The following TENM1 variants were observed in gnomAD, a reference collection of about 807,000 sequenced individuals.
The protein encoded by TENM1 is teneurin transmembrane protein 1.
In TENM1, 35 loss-of-function variants were observed where a neutral mutation model predicts 174.8. The observed-to-expected ratio is 0.20, with a 90% CI of 0.15 to 0.27. The LOEUF (loss-of-function observed/expected upper bound fraction) is 0.27, where lower values mean the gene tolerates loss of function less well. Ranked by LOEUF, TENM1 falls within the 10% of genes least tolerant of loss-of-function variation. The pLI is 1.00. For missense variants in TENM1, 1,633 were observed against 2,130.1 expected, an observed-to-expected ratio of 0.77 and a Z score of 4.59; for synonymous variants, 781 against 798.7, an observed-to-expected ratio of 0.98 and a Z score of 0.37.
intron 11 of TENM1, among the ~76,000 whole-genome samples, chrX:124,633,625 C>A (rs1387262402): frequency 9.1e-6 from 1 of 110,367 alleles, no homozygotes; most frequent in African/African-American, 3.3e-5. Context: ...ATTATAAAAT[C>A]TTATGGCCAT....
intron 11 of TENM1, among the ~76,000 whole-genome samples, chrX:124,579,695 TTC>T (rs2148209530): frequency 8.9e-6 from 1 of 112,503 alleles, no homozygotes; most frequent in South Asian, 3.6e-4. Flanking sequence ...AATCCTTTTT[TTC>T]TCTTTCACAC....
At chrX:125,186,871 A>G in the TENM1 span, among the ~76,000 whole-genome samples, 614 of 112,040 alleles carry the variant, frequency 5.5e-3, 4 homozygotes, top group South Asian at 0.018. Context: ...TTATATAATG[A>G]TCCCTACTAA....
intron 27 of TENM1, among the ~76,000 whole-genome samples, chrX:124,404,175 C>T (rs997879819): frequency 3.6e-5 from 4 of 111,717 alleles, no homozygotes; most frequent in African/African-American, 9.8e-5. Context: ...GAAACCTTCC[C>T]GGTATATCAG....
At chrX:125,026,212 C>T in the TENM1 span, among the ~76,000 whole-genome samples, 92 of 108,074 alleles carry the variant, frequency 8.5e-4, no homozygotes, top group African/African-American at 1.9e-3. Context: ...AAAAAAAAAC[C>T]CTAATACTCA....
intron 11 of TENM1, among the ~76,000 whole-genome samples, chrX:124,582,259 C>A (rs1023975783): frequency 2.7e-5 from 3 of 111,917 alleles, no homozygotes; most frequent in Non-Finnish European, 3.8e-5. Context: ...GTGTATGTAC[C>A]ATATTTTCTT....
the TENM1 span, among the ~76,000 whole-genome samples, chrX:125,172,257 A>G: frequency 9.0e-6 from 1 of 111,028 alleles, no homozygotes; most frequent in Non-Finnish European, 1.9e-5. Flanking sequence ...GAGGTGGCCT[A>G]AGACTTTACA....
At chrX:124,787,132 T>C (rs1417087364) in intron 3 of TENM1, among the ~76,000 whole-genome samples, 1 of 111,579 alleles carries the variant, frequency 9.0e-6, no homozygotes, top group African/African-American at 3.3e-5. Context: ...TATGCAACAT[T>C]TCATTACAGT....
chrX:124,689,748 T>G (rs1200919738), intron 5 of TENM1, among the ~76,000 whole-genome samples: 2 of 110,930 alleles, frequency 1.8e-5, no homozygotes, highest in African/African-American at 6.6e-5. Context: ...AAACCACGGA[T>G]AGTACCAAGC....
At chrX:124,582,356 A>G (rs901184378) in intron 11 of TENM1, among the ~76,000 whole-genome samples, 3 of 111,642 alleles carry the variant, frequency 2.7e-5, no homozygotes, top group South Asian at 3.8e-4. Context: ...GATTCTTCCA[A>G]TCTATGAGCA....
intron 3 of TENM1, among the ~76,000 whole-genome samples, chrX:124,867,453 A>T (rs890070140): frequency 8.9e-6 from 1 of 112,046 alleles, no homozygotes; most frequent in Admixed American, 9.4e-5. Context: ...TCATGATAAA[A>T]ACCCTGAGAA....
intron 15 of TENM1, among the ~76,000 whole-genome samples, chrX:124,538,442 C>T (rs1045785350): frequency 9.0e-6 from 1 of 111,450 alleles, no homozygotes; most frequent in Non-Finnish European, 1.9e-5. Context: ...TCTGCAGTGC[C>T]TTCCTTTAGA....
upstream of TENM1, among the ~76,000 whole-genome samples, chrX:124,966,675 A>C (rs1389637821): frequency 9.0e-6 from 1 of 110,750 alleles, no homozygotes. Flanking sequence ...AAAAAAAAAA[A>C]ACCAAAAAAT....
intron 1 of TENM1, among the ~76,000 whole-genome samples, chrX:124,922,520 TTC>T (rs1482412768): frequency 9.9e-5 from 11 of 111,195 alleles, no homozygotes; most frequent in African/African-American, 3.6e-4. Flanking sequence ...TATCTATATA[TTC>T]TTTTTCTGTT....
At chrX:125,201,334 AT>A in the TENM1 span, among the ~76,000 whole-genome samples, 1 of 112,338 alleles carries the variant, frequency 8.9e-6, no homozygotes, top group Admixed American at 9.4e-5. Context: ...ATACAATTTT[AT>A]TTTAATACAC....
intron 1 of TENM1, among the ~76,000 whole-genome samples, chrX:124,907,638 T>C (rs1245244431): frequency 1.8e-5 from 2 of 111,913 alleles, no homozygotes; most frequent in African/African-American, 6.5e-5. Context: ...AATGAAGCCC[T>C]ATTATTTAAA....
chrX:124,972,448 G>GT, the TENM1 span, among the ~76,000 whole-genome samples: 1 of 111,517 alleles, frequency 9.0e-6, no homozygotes, highest in East Asian at 2.8e-4. Context: ...AAAACCAAGA[G>GT]TTTTTCCAAA....
At chrX:124,600,172 G>A (rs1220574670) in intron 11 of TENM1, among the ~76,000 whole-genome samples, 5 of 110,388 alleles carry the variant, frequency 4.5e-5, no homozygotes, top group African/African-American at 6.6e-5. Flanking sequence ...ATACCACGCC[G>A]AGAAAAGAAA....
At position 124,924,211 on chromosome X, in the gene TENM1, T is replaced by C. The variant is rs2058061337; in HGVS notation, c.218-27970A>G. Reference sequence around the variant, plus strand: ...AAACCCCTTCTTAGAAATCTGCAAATTTACTGGTACTTTTATTTTATAATA... The same window carrying C: ...AAACCCCTTCTTAGAAATCTGCAAACTTACTGGTACTTTTATTTTATAATA... On this transcript the variant is annotated intron_variant, in intron 1 of 31. Transcript: ENST00000422452. 2.7e-5 allele frequency among the ~76,000 whole-genome samples: 3 copies of C among 111,835 alleles called. No homozygotes were observed. In the South Asian group the frequency reaches 1.1e-3, roughly 42 times the overall value.
exon 32 of TENM1, chrX:124,376,779 G>T (rs992790215): frequency 7.7e-5 from 8 of 104,274 alleles, no homozygotes; most frequent in Admixed American, 2.0e-4. Context: ...TGTTTTTTTT[G>T]TTTTGTTTTG....
Sources: gnomAD v4.1 joint callset for allele counts (sites outside exome capture counted in the v4.1 genomes callset) on GRCh38, gnomAD v4.1.1 for gene constraint, MANE v1.5 for transcripts, NCBI Gene and HGNC (gene_info 2026-07-23, HGNC 2026-07-21) for gene names.